The following DHRS12 variants were observed in gnomAD, a reference collection of about 807,000 sequenced individuals.
The protein encoded by DHRS12 is dehydrogenase/reductase SDR family member 12.
A neutral mutation model predicts 32.1 loss-of-function variants in DHRS12; 29 were observed. The ratio of observed to expected loss-of-function variants is 0.90; its 90% CI spans 0.67 to 1.23. The LOEUF (loss-of-function observed/expected upper bound fraction) is 1.23, where lower values mean the gene tolerates loss of function less well. Ranked by LOEUF, DHRS12 falls within the 50% of genes most tolerant of loss-of-function variation. The pLI is 0.00. For synonymous variants in DHRS12, 150 were observed against 135.9 expected (o/e 1.10, Z -0.72); for missense variants, 330 against 337.2 (o/e 0.98, Z 0.17).
At chr13:51,776,636 A>G (rs1191294771) in intron 5 of DHRS12, 1 of 201,452 alleles carries the variant, frequency 5.0e-6, no homozygotes, top group Non-Finnish European at 1.0e-5. Flanking sequence ...GGCAGCCTAC[A>G]TTAACTGTCT....
chr13:51,801,849 C>A (rs888965110), intron 1 of DHRS12, among the ~76,000 whole-genome samples: 1 of 152,152 alleles, frequency 6.6e-6, no homozygotes, highest in African/African-American at 2.4e-5. Context: ...TCTGTGATAC[C>A]CAGTCAGAGG....
rs375066484 is a variant in DHRS12, at chr13:51,801,465, G to A, written c.-8-1798C>T. 2.2e-4 allele frequency among the ~76,000 whole-genome samples: 33 copies of A among 152,292 alleles called. No homozygotes were observed. In the East Asian group the frequency reaches 4.0e-3, roughly 19 times the overall value. On this transcript the variant is annotated intron_variant, in intron 1 of 8. Transcript: ENST00000444610. Reference sequence around the variant, plus strand: ...GGCTTCCCAAAATGCTGGGATTACAGGCATAAGCCACCGCACCCAGGTGAC... The same window carrying A: ...GGCTTCCCAAAATGCTGGGATTACAAGCATAAGCCACCGCACCCAGGTGAC...
intron 7 of DHRS12, chr13:51,771,455 G>A (rs1227024847): frequency 6.2e-7 from 1 of 1,614,140 alleles, no homozygotes; most frequent in Non-Finnish European, 8.5e-7. Context: ...AGGCAGTCTG[G>A]GCCTCTCCCA....
chr13:51,785,298 T>C (rs1012580879), intron 4 of DHRS12, among the ~76,000 whole-genome samples: 2 of 152,108 alleles, frequency 1.3e-5, no homozygotes, highest in African/African-American at 4.8e-5. Context: ...TAATAAATAG[T>C]TAACATATTA....
At chr13:51,755,236 G>A in the DHRS12 span, 2 of 898,640 alleles carry the variant, frequency 2.2e-6, no homozygotes, top group Non-Finnish European at 1.7e-6. Context: ...GATTGACTGA[G>A]AAATCACACC....
At chr13:51,757,357 G>C in the DHRS12 span, among the ~76,000 whole-genome samples, 3 of 152,122 alleles carry the variant, frequency 2.0e-5, no homozygotes, top group Non-Finnish European at 4.4e-5. Context: ...GACTTTAAGA[G>C]TTTAAGGGAC....
chr13:51,767,963 T>TTAAAA (rs1469391852), downstream of DHRS12: 12 of 1,351,490 alleles, frequency 8.9e-6, no homozygotes, highest in Admixed American at 3.3e-5. Context: ...TAAATGAGAC[T>TTAAAA]TAAAATAAGA....
At chr13:51,802,513 A>T (rs897311248) in intron 1 of DHRS12, among the ~76,000 whole-genome samples, 6 of 152,190 alleles carry the variant, frequency 3.9e-5, no homozygotes, top group Admixed American at 3.9e-4. Flanking sequence ...ATTTACCCAA[A>T]TATGAAATTT....
chr13:51,756,280 C>T, the DHRS12 span: 1 of 1,572,338 alleles, frequency 6.4e-7, no homozygotes, highest in African/African-American at 1.4e-5. Flanking sequence ...ATGCGGGGGC[C>T]TCAGGAGCTG....
At chr13:51,756,359 G>A in the DHRS12 span, 164 of 1,613,750 alleles carry the variant, frequency 1.0e-4, 1 homozygote, top group South Asian at 1.3e-4. Flanking sequence ...TGGGAAGGCC[G>A]TCTGTGGCAA....
In DHRS12 at chr13:51,768,244, C is replaced by A; in HGVS notation, c.750G>T (p.Pro250=). The A allele has an allele frequency of 1.3e-6, 2 of 1,536,032 alleles. No homozygotes were observed. Among genetic ancestry groups the A allele is most frequent in the Non-Finnish European group, 1.7e-6 (2 of 1,146,898 alleles). The part of the protein sequence containing the change: ...HLPLATASSS[P]AEEEKLIEIL... ...TTTCAATGAGTTTCTCCTCTTCGGC[C>A]GGTGAGGAGGACGCTGTAGCGAGAG... The change falls in exon 9 of 9, where the codon CCG becomes CCT. Residue 250 remains proline (P), a synonymous_variant. Coordinates refer to ENST00000444610, the MANE Select transcript of DHRS12 (RefSeq NM_001377533.1).
chr13:51,776,007 TTCTCC>T, intron 5 of DHRS12: 3 of 96,474 alleles, frequency 3.1e-5, no homozygotes, highest in Non-Finnish European at 6.8e-5. Flanking sequence ...TTCTACAGTA[TTCTCC>T]TACATGTATT....
At chr13:51,789,308 G>A (rs1418615894) in intron 4 of DHRS12, among the ~76,000 whole-genome samples, 1 of 152,148 alleles carries the variant, frequency 6.6e-6, no homozygotes, top group African/African-American at 2.4e-5. Context: ...AAGTTGAAAG[G>A]CCCCTTGGAT....
chr13:51,798,035 TC>T, intron 2 of DHRS12: 1 of 951,554 alleles, frequency 1.1e-6, no homozygotes, highest in Non-Finnish European at 1.6e-6. Flanking sequence ...GATGGGTGGT[TC>T]CCAGAGTTAA....
chr13:51,758,241 G>A, the DHRS12 span: 1 of 1,602,232 alleles, frequency 6.2e-7, no homozygotes, highest in African/African-American at 1.3e-5. Context: ...CATTGTGCAT[G>A]TGCATTTCGA....
chr13:51,771,855 A>G lies in DHRS12; in HGVS notation c.525T>C (p.Phe175=). Residue 175 remains phenylalanine (F), a synonymous_variant, in exon 7 of 9, where the codon TTT becomes TTC. Transcript: ENST00000444610. ...CGGCCCAGCCAGGATGCATGGAAGA[A>G]AAATGGATGGCCGGGTGCCCTTGGG... The part of the protein sequence containing the change: ...RWAQGHPAIH[F]SSMHPGWADT... The G allele has an allele frequency of 1.2e-6, 2 of 1,614,174 alleles. No homozygotes were observed. The highest frequency in any genetic ancestry group is 1.7e-6 in the Non-Finnish European group (2 of 1,180,014).
At chr13:51,803,728 A>C in intron 1 of DHRS12, 1 of 233,584 alleles carries the variant, frequency 4.3e-6, no homozygotes, top group Non-Finnish European at 8.2e-6. Flanking sequence ...GAGCACACCC[A>C]GCGGGGCGCC....
chr13:51,768,338 A>G (rs1436042038), intron 8 of DHRS12, 42 bp from the exon 9 acceptor site: 2 of 1,534,530 alleles, frequency 1.3e-6, no homozygotes, highest in Non-Finnish European at 1.7e-6. Context: ...GAGCTGCTGC[A>G]GCGTGGCTGG....
intron 4 of DHRS12, among the ~76,000 whole-genome samples, chr13:51,786,747 G>T (rs1954975850): frequency 6.6e-6 from 1 of 152,244 alleles, no homozygotes; most frequent in Non-Finnish European, 1.5e-5. Flanking sequence ...TTAGGATCCA[G>T]TGATAAATCC....
Sources: allele counts gnomAD v4.1 joint callset (sites outside exome capture counted in the v4.1 genomes callset), GRCh38; gene constraint gnomAD v4.1.1; transcripts MANE v1.5; gene names NCBI Gene and HGNC (gene_info 2026-07-23, HGNC 2026-07-21).